The following DNER variants were observed in gnomAD, a reference collection of about 807,000 sequenced individuals.
The protein encoded by DNER is delta/notch like EGF repeat containing.
Under a neutral mutation model 78.2 loss-of-function variants are expected in DNER, and 33 were observed. The ratio of observed to expected loss-of-function variants is 0.42; its 90% CI spans 0.32 to 0.56. The LOEUF (loss-of-function observed/expected upper bound fraction) is 0.56, where lower values mean the gene tolerates loss of function less well. DNER is among the 20% of genes least tolerant of loss of function. The pLI is 0.11. For missense variants in DNER, 918 were observed against 975.3 expected (o/e 0.94, Z 0.78); for synonymous variants, 417 against 384.8 (o/e 1.08, Z -0.98).
chr2:229,435,770 T>C (rs1400048765), intron 8 of DNER, among the ~76,000 whole-genome samples: 3 of 152,166 alleles, frequency 2.0e-5, no homozygotes, highest in Non-Finnish European at 4.4e-5. Flanking sequence ...AACATGATCT[T>C]GGTAATCATC....
intron 1 of DNER, among the ~76,000 whole-genome samples, chr2:229,600,457 T>A (rs79267008): frequency 1.3e-5 from 2 of 152,294 alleles, no homozygotes; most frequent in African/African-American, 4.8e-5. Flanking sequence ...TATCTTGAAC[T>A]GGGCCCTACA....
chr2:229,636,539 G>A (rs1698534070), intron 1 of DNER, among the ~76,000 whole-genome samples: 1 of 152,224 alleles, frequency 6.6e-6, no homozygotes, highest in Non-Finnish European at 1.5e-5. Flanking sequence ...GGTCCAGAGA[G>A]AGGATGGGGC....
At chr2:229,580,051 A>G (rs546469308) in intron 4 of DNER, 28 of 152,184 alleles carry the variant, frequency 1.8e-4, no homozygotes, top group African/African-American at 6.8e-4. Flanking sequence ...AAGTGAATAC[A>G]CTACCGTAGG....
intron 1 of DNER, among the ~76,000 whole-genome samples, chr2:229,601,211 G>A (rs577860418): frequency 2.2e-4 from 33 of 152,262 alleles, no homozygotes; most frequent in African/African-American, 7.2e-4. Context: ...AAACGCAAAT[G>A]AACAATGTTG....
chr2:229,714,198 G>A lies in DNER; in HGVS notation c.226C>T (p.Pro76Ser). ...GCGGGGCAGGTGCAGCTGTAGCCAG[G>A]CTCGCCGGCGGGGGCCGGGTGCTGC... ...DPQHPAPAGE[P>S]GYSCTCPAGI... Residue 76 changes from proline to serine, a missense_variant, in exon 1 of 13, where the codon CCT (proline) becomes TCT (serine). Transcript: ENST00000341772. 1 of 1,376,152 alleles carries A rather than the reference G, an allele frequency of 7.3e-7. No individual in the cohort carries two copies. Among genetic ancestry groups the A allele is most frequent in the Non-Finnish European group, 9.4e-7 (1 of 1,068,692 alleles). 85.2% of individuals were successfully genotyped at this position (1,376,152 alleles called of 1,614,324 possible).
At chr2:229,680,887 C>T (rs1381437763) in intron 1 of DNER, among the ~76,000 whole-genome samples, 4 of 152,154 alleles carry the variant, frequency 2.6e-5, no homozygotes, top group African/African-American at 9.7e-5. Context: ...TTAAGTCCTA[C>T]TATGTTCTAG....
At chr2:229,515,083 C>T (rs530342244) in intron 5 of DNER, among the ~76,000 whole-genome samples, 4 of 152,182 alleles carry the variant, frequency 2.6e-5, no homozygotes, top group Non-Finnish European at 5.9e-5. Flanking sequence ...ATTTCTATCA[C>T]CTCTCACTTC....
At chr2:229,627,638 G>A (rs1246423058) in intron 1 of DNER, among the ~76,000 whole-genome samples, 1 of 152,220 alleles carries the variant, frequency 6.6e-6, no homozygotes, top group African/African-American at 2.4e-5. Context: ...AGAGAGGTCT[G>A]ATTAACAAGC....
intron 1 of DNER, among the ~76,000 whole-genome samples, chr2:229,686,047 G>C (rs576348047): frequency 6.6e-6 from 1 of 152,222 alleles, no homozygotes; most frequent in African/African-American, 2.4e-5. Context: ...GTTTGTGCTG[G>C]GTGCCCCTCT....
chr2:229,505,220 T>TGTGTGTGTGTGTGTG, intron 6 of DNER, among the ~76,000 whole-genome samples: 4 of 32,320 alleles, frequency 1.2e-4, no homozygotes, highest in Admixed American at 6.6e-4. Flanking sequence ...GTGTGTGTGT[T>TGTGTGTGTGTGTGTG]GGCTACAATA....
At chr2:229,584,591 G>A (rs1007407641) in intron 4 of DNER, among the ~76,000 whole-genome samples, 2 of 152,126 alleles carry the variant, frequency 1.3e-5, no homozygotes, top group South Asian at 2.1e-4. Context: ...GCAGTGGGTC[G>A]GGGAGGGAAT....
chr2:229,440,683 G>A (rs748567218), intron 8 of DNER, among the ~76,000 whole-genome samples: 2 of 152,250 alleles, frequency 1.3e-5, no homozygotes, highest in South Asian at 4.1e-4. Context: ...ACCATTTACC[G>A]ACACATCCAT....
At chr2:229,541,420 T>A (rs781413633) in intron 5 of DNER, among the ~76,000 whole-genome samples, 3 of 152,192 alleles carry the variant, frequency 2.0e-5, no homozygotes, top group Non-Finnish European at 4.4e-5. Flanking sequence ...GATGTTTCTG[T>A]GAAGGTGTTT....
intron 10 of DNER, among the ~76,000 whole-genome samples, chr2:229,400,669 A>T (rs1357209285): frequency 6.6e-6 from 1 of 152,278 alleles, no homozygotes; most frequent in East Asian, 1.9e-4. Flanking sequence ...TAAAATAAAT[A>T]TCCATGAACC....
At chr2:229,638,498 C>T (rs1698563695) in intron 1 of DNER, among the ~76,000 whole-genome samples, 1 of 152,144 alleles carries the variant, frequency 6.6e-6, no homozygotes, top group Non-Finnish European at 1.5e-5. Flanking sequence ...CAACTGAATA[C>T]CCGTATGAAA....
intron 9 of DNER, among the ~76,000 whole-genome samples, chr2:229,416,041 C>G: frequency 6.6e-6 from 1 of 152,196 alleles, no homozygotes; most frequent in Non-Finnish European, 1.5e-5. Context: ...AGACTTTCTT[C>G]ACCTCACAGA....
At chr2:229,586,795 G>A (rs1195243264) in intron 3 of DNER, 48 of 985,716 alleles carry the variant, frequency 4.9e-5, no homozygotes, top group Non-Finnish European at 5.8e-5. Context: ...CCCAACAGCT[G>A]CCCATTCTCC....
At chr2:229,575,314 T>C (rs1697278145) in intron 4 of DNER, among the ~76,000 whole-genome samples, 1 of 152,142 alleles carries the variant, frequency 6.6e-6, no homozygotes, top group African/African-American at 2.4e-5. Flanking sequence ...TTGTAGAATA[T>C]CTGCAACTGC....
At chr2:229,369,061 A>G (rs1692416644) in intron 11 of DNER, among the ~76,000 whole-genome samples, 1 of 152,202 alleles carries the variant, frequency 6.6e-6, no homozygotes, top group African/African-American at 2.4e-5. Flanking sequence ...TCCAGCTCCT[A>G]CATTTACTTG....
Sources: gnomAD v4.1 joint callset for allele counts (sites outside exome capture counted in the v4.1 genomes callset) on GRCh38, gnomAD v4.1.1 for gene constraint, MANE v1.5 for transcripts, NCBI Gene and HGNC (gene_info 2026-07-23, HGNC 2026-07-21) for gene names.